Variants in DYNC2H1 observed in about 807,000 individuals in gnomAD.
DYNC2H1 encodes the protein dynein cytoplasmic 2 heavy chain 1.
Under a neutral mutation model 570.0 loss-of-function variants are expected in DYNC2H1, and 410 were observed. The ratio of observed to expected loss-of-function variants is 0.72; its 90% CI spans 0.66 to 0.78. DYNC2H1 has a LOEUF of 0.78. Among genes scored for constraint, DYNC2H1 ranks in the 30% least tolerant of loss-of-function variants. The pLI, the probability that DYNC2H1 is intolerant of heterozygous loss-of-function variation, is 0.00. For synonymous variants in DYNC2H1, 1,688 were observed against 1,677.6 expected (o/e 1.01, Z -0.15); for missense variants, 4,865 against 5,046.4 (o/e 0.96, Z 1.09).
chr11:103,223,054 T>A lies in DYNC2H1; in HGVS notation c.9321T>A (p.His3107Gln), dbSNP rs1320312543. Residue 3107 changes from histidine (H) to glutamine (Q), a missense_variant, in exon 59 of 89, where the codon CAT (histidine) becomes CAA (glutamine). Physicochemically the swap from His to Gln is conservative, Grantham distance 24. Coordinates refer to ENST00000375735, the MANE Select transcript of DYNC2H1 (RefSeq NM_001377.3). Reference protein sequence around the residue: ...IQYSHVLERIHPLETEQAGLE... With the variant: ...IQYSHVLERIQPLETEQAGLE... ...ATTCCCATGTCTTGGAACGAATTCA[T>A]CCTTTGGAAACTGAACAGGCAGGAT... The A allele has an allele frequency of 1.9e-6, 3 of 1,613,034 alleles. No homozygotes were observed. The Admixed American group carries it at 5.0e-5, about 27-fold the overall frequency.
intron 82 of DYNC2H1, among the ~76,000 whole-genome samples, chr11:103,339,456 G>A (rs313425): frequency 0.33 from 49,994 of 152,138 alleles, 9,700 homozygotes; most frequent in Non-Finnish European, 0.43. Context: ...GGTGGGTCAA[G>A]AAACACCATT....
chr11:103,158,358 T>C (rs1204839749), intron 26 of DYNC2H1, among the ~76,000 whole-genome samples: 4 of 151,988 alleles, frequency 2.6e-5, no homozygotes, highest in Non-Finnish European at 5.9e-5. Context: ...CTGAGGCAGG[T>C]GAATGTCAGG....
chr11:103,304,184 T>A (rs934707382), intron 76 of DYNC2H1, among the ~76,000 whole-genome samples: 6 of 152,140 alleles, frequency 3.9e-5, no homozygotes, highest in African/African-American at 1.4e-4. Context: ...AATTGAAAAG[T>A]GAAAATTCTA....
chr11:103,155,311 C>CA lies in DYNC2H1; in HGVS notation c.3574-20_3574-19insA. 7.8e-7 allele frequency: 1 copy of CA among 1,285,862 alleles called. No individual in the cohort carries two copies. Among genetic ancestry groups the CA allele is most frequent in the South Asian group, 1.5e-5 (1 of 67,362 alleles). The allele number at this position is 1,285,862 out of a possible 1,614,324, so 79.7% of individuals were successfully genotyped here. On this transcript the variant is annotated intron_variant, in intron 24 of 88. Coordinates refer to ENST00000375735, the MANE Select transcript of DYNC2H1 (RefSeq NM_001377.3). Reference sequence around the variant, plus strand: ...TATATGTGTATACATATGACTTTTTCTTTTTTTTTTTTGTAACAGATCGTA... The same window carrying CA: ...TATATGTGTATACATATGACTTTTTCATTTTTTTTTTTTGTAACAGATCGTA...
intron 83 of DYNC2H1, among the ~76,000 whole-genome samples, chr11:103,397,869 T>G (rs1456382467): frequency 1.3e-5 from 2 of 152,102 alleles, no homozygotes; most frequent in Non-Finnish European, 2.9e-5. Context: ...ACAGACAGAG[T>G]AAGACCCTGT....
intron 63 of DYNC2H1, among the ~76,000 whole-genome samples, chr11:103,242,721 G>T (rs1864466258): frequency 6.6e-6 from 1 of 151,944 alleles, no homozygotes; most frequent in African/African-American, 2.4e-5. Flanking sequence ...CATTTTCACT[G>T]GTTTCTAACT....
At chr11:103,468,157 T>C (rs1176451820) in intron 87 of DYNC2H1, among the ~76,000 whole-genome samples, 5 of 152,194 alleles carry the variant, frequency 3.3e-5, no homozygotes. Context: ...TCACATGTCG[T>C]TTTTTTCATT....
chr11:103,339,680 G>A (rs1034104628), intron 82 of DYNC2H1, among the ~76,000 whole-genome samples: 1 of 152,156 alleles, frequency 6.6e-6, no homozygotes, highest in Admixed American at 6.5e-5. Flanking sequence ...AGCCAGTGTC[G>A]TGCTGGATTG....
At chr11:103,218,055 G>GA (rs1196807022) in intron 55 of DYNC2H1, among the ~76,000 whole-genome samples, 2 of 152,126 alleles carry the variant, frequency 1.3e-5, no homozygotes, top group African/African-American at 4.8e-5. Flanking sequence ...TAAAAAGACT[G>GA]AAAACACCTC....
rs572881251 is a variant in DYNC2H1, at chr11:103,233,665, C to T, written c.9441-369C>T. On this transcript the variant is annotated intron_variant, in intron 60 of 88. Transcript: ENST00000375735. ...TAATGTAAAATTCTTCCGATATTGA[C>T]ATATATTAATGGTTTTGCTGATCAG... Among the ~76,000 whole-genome samples the T allele has an allele frequency of 4.6e-5, 7 of 151,892 alleles. No individual in the cohort carries two copies. In the South Asian group the frequency reaches 1.5e-3, roughly 32 times the overall value.
rs1938091966 is a variant in DYNC2H1, at chr11:103,320,177, G to A, written c.11726-852G>A. Reference sequence around the variant, plus strand: ...AAATTGTGATGACAAGGATATTTCTGTTGCAAAATGAAATAATATACAAGA... The same window carrying A: ...AAATTGTGATGACAAGGATATTTCTATTGCAAAATGAAATAATATACAAGA... On this transcript the variant is annotated intron_variant, in intron 80 of 88. Coordinates refer to ENST00000375735, the MANE Select transcript of DYNC2H1 (RefSeq NM_001377.3). Among the ~76,000 whole-genome samples the A allele has an allele frequency of 2.0e-5, 3 of 152,248 alleles. 1 individual carries two copies. The South Asian group carries it at 6.2e-4, about 32-fold the overall frequency.
At chr11:103,428,700 T>C (rs1383991954) in intron 84 of DYNC2H1, among the ~76,000 whole-genome samples, 3 of 152,156 alleles carry the variant, frequency 2.0e-5, no homozygotes, top group Non-Finnish European at 4.4e-5. Flanking sequence ...AATCCTGGTA[T>C]TTTGGGTACC....
chr11:103,144,002 T>C (rs1860105684), intron 18 of DYNC2H1, among the ~76,000 whole-genome samples: 1 of 152,262 alleles, frequency 6.6e-6, no homozygotes, highest in Non-Finnish European at 1.5e-5. Flanking sequence ...GTTTTCATTA[T>C]TTCAATAAAT....
chr11:103,425,823 T>TA (rs1421033522), intron 84 of DYNC2H1, among the ~76,000 whole-genome samples: 2 of 151,684 alleles, frequency 1.3e-5, no homozygotes, highest in Admixed American at 6.6e-5. Flanking sequence ...GTTAAAAGTT[T>TA]AATATTTAAA....
chr11:103,165,764 G>A (rs960813994), intron 30 of DYNC2H1, 134 bp from the exon 31 acceptor site: 11 of 639,528 alleles, frequency 1.7e-5, no homozygotes, highest in East Asian at 6.5e-5. Flanking sequence ...AATATTTAAG[G>A]TTCCAGTATG....
chr11:103,470,470 G>A (rs896910755), intron 88 of DYNC2H1, among the ~76,000 whole-genome samples: 6 of 152,038 alleles, frequency 3.9e-5, no homozygotes, highest in African/African-American at 9.7e-5. Context: ...TGTGCACAAC[G>A]TGCAGGTTTG....
At position 103,244,564 on chromosome 11, in the gene DYNC2H1, ATAT is replaced by A. The variant is rs199584096; in HGVS notation, c.9919-683_9919-681del. On this transcript the variant is annotated intron_variant, in intron 64 of 88. Transcript: ENST00000375735. The surrounding 1 kb of genome is among the most constrained non-coding windows in gnomAD (Gnocchi z 4.3). ...ATATGCAAATCATTTATGGTTTGCAATATTATATATAACTATATATGCAAATCA... is the reference window on the plus strand; with the variant it reads ...ATATGCAAATCATTTATGGTTTGCAATATATATAACTATATATGCAAATCA... 0.011 allele frequency among the ~76,000 whole-genome samples: 1,648 copies of A among 149,194 alleles called. 25 individuals are homozygous for A. Among genetic ancestry groups the A allele is most frequent in the Non-Finnish European group, 0.016 (1,090 of 67,306 alleles).
In DYNC2H1 at chr11:103,121,365, T is replaced by C; in HGVS notation, c.1361-7T>C. 6.3e-7 allele frequency: 1 copy of C among 1,588,840 alleles called. No homozygotes were observed. Among genetic ancestry groups the C allele is most frequent in the Non-Finnish European group, 8.6e-7 (1 of 1,168,460 alleles). On this transcript the variant is annotated splice_polypyrimidine_tract_variant and splice_region_variant and intron_variant, in intron 9 of 88. Coordinates refer to ENST00000375735, the MANE Select transcript of DYNC2H1 (RefSeq NM_001377.3). ...TTGTAATCATTTATTTGATTTAAAT[T>C]TTATAGATTTTCGATTAGACTTTGA...
chr11:103,390,040 C>G (rs1485223828), intron 83 of DYNC2H1, among the ~76,000 whole-genome samples: 2 of 152,116 alleles, frequency 1.3e-5, no homozygotes, highest in African/African-American at 4.8e-5. Flanking sequence ...GAGTTCAATT[C>G]CTGGATATCC....
Sources: gnomAD v4.1 joint callset for allele counts (sites outside exome capture counted in the v4.1 genomes callset) on GRCh38, gnomAD v4.1.1 for gene constraint, Gnocchi (gnomAD v3.1) non-coding constraint, MANE v1.5 for transcripts, NCBI Gene and HGNC (gene_info 2026-07-23, HGNC 2026-07-21) for gene names.